NMBR: variants seen among roughly 807,000 people sequenced by gnomAD.
NMBR encodes the protein neuromedin B receptor.
Under a neutral mutation model 20.5 loss-of-function variants are expected in NMBR, and 16 were observed. The observed-to-expected ratio is 0.78, with a 90% CI of 0.53 to 1.19. The LOEUF (loss-of-function observed/expected upper bound fraction) is 1.19. Ranked by LOEUF, NMBR falls within the 50% of genes most tolerant of loss-of-function variation. The pLI is 0.00. For missense variants in NMBR, 582 were observed against 499.1 expected (o/e 1.17, Z -1.58); for synonymous variants, 212 against 196.6 (o/e 1.08, Z -0.65).
chr6:142,096,844 A>T (rs1316427108), intron 1 of NMBR, among the ~76,000 whole-genome samples: 1 of 151,584 alleles, frequency 6.6e-6, no homozygotes, highest in Non-Finnish European at 1.5e-5. Flanking sequence ...TGCTTTATGA[A>T]TCTGGGTGCT....
At position 142,110,446 on chromosome 6, in the gene NMBR, T is replaced by C. The variant is rs949171325; in HGVS notation, c.-663-21125A>G. ...TGTATCTTGAGAGTATTATGCTAAG[T>C]AAAAGAAGCTAATTTTGAAAGATCA... On this transcript the variant is annotated intron_variant, in intron 1 of 3. Transcript: ENST00000258042. Among the ~76,000 whole-genome samples the C allele has an allele frequency of 2.6e-5, 4 of 152,196 alleles. 1 individual carries two copies. Among genetic ancestry groups the C allele is most frequent in the South Asian group, 4.1e-4 (2 of 4,834 alleles).
chr6:142,086,740 G>A (rs573435933), intron 2 of NMBR, among the ~76,000 whole-genome samples: 1 of 152,136 alleles, frequency 6.6e-6, no homozygotes, highest in South Asian at 2.1e-4. Context: ...TCTAGGCCAG[G>A]GCAAATTTAC....
At chr6:142,116,056 GCT>G (rs1777847462) in intron 1 of NMBR, among the ~76,000 whole-genome samples, 1 of 151,750 alleles carries the variant, frequency 6.6e-6, no homozygotes, top group Non-Finnish European at 1.5e-5. Context: ...CCCTGCACAA[GCT>G]CTCTTTTTTT....
rs372987693 is a variant in NMBR at position 142,103,223 on chromosome 6, A to G, written c.-663-13902T>C. Among the ~76,000 whole-genome samples, 4 of 152,216 alleles carry G rather than the reference A, an allele frequency of 2.6e-5. No homozygotes were observed. The South Asian group carries it at 8.3e-4, about 32-fold the overall frequency. ...ATGAAAGGGTTGATTGTCCCCAGTCAGTAGACCATGAAATGCATTCATTAC... is the reference window on the plus strand; with the variant it reads ...ATGAAAGGGTTGATTGTCCCCAGTCGGTAGACCATGAAATGCATTCATTAC... On this transcript the variant is annotated intron_variant, in intron 1 of 3. Coordinates refer to ENST00000258042, the MANE Select transcript of NMBR (RefSeq NM_002511.4).
intron 2 of NMBR, among the ~76,000 whole-genome samples, chr6:142,083,754 T>G (rs1445902900): frequency 1.3e-5 from 2 of 152,040 alleles, no homozygotes; most frequent in Non-Finnish European, 2.9e-5. Context: ...TGTTTCTAAG[T>G]CTCCTGAGGC....
At chr6:142,145,996 C>T (rs1191419780) in intron 1 of NMBR, among the ~76,000 whole-genome samples, 1 of 152,178 alleles carries the variant, frequency 6.6e-6, no homozygotes, top group Non-Finnish European at 1.5e-5. Context: ...CTCTGCTTTT[C>T]TTCATTGATT....
rs565694680 is a variant in NMBR, at chr6:142,130,306, AT to A, written c.-664+16737del. ...GAGAGGTCAGGACTGGCTACATGTG[AT>A]TTTTTTTTTTCTAATTTCTAGTCTC... On this transcript the variant is annotated intron_variant, in intron 1 of 3. Coordinates refer to ENST00000258042, the MANE Select transcript of NMBR (RefSeq NM_002511.4). Among the ~76,000 whole-genome samples, 375 of 148,940 alleles carry A rather than the reference AT, an allele frequency of 2.5e-3. 4 individuals carry two copies. Among genetic ancestry groups the A allele is most frequent in the East Asian group, 8.7e-3 (44 of 5,082 alleles).
intron 1 of NMBR, among the ~76,000 whole-genome samples, chr6:142,124,878 A>G (rs927805307): frequency 5.3e-5 from 8 of 151,866 alleles, no homozygotes; most frequent in Non-Finnish European, 1.2e-4. Flanking sequence ...GAATTGTGAA[A>G]TTACTTACAC....
At chr6:142,129,788 G>T (rs1375320610) in intron 1 of NMBR, among the ~76,000 whole-genome samples, 2 of 152,110 alleles carry the variant, frequency 1.3e-5, no homozygotes, top group Non-Finnish European at 2.9e-5. Context: ...TCTCATTAAG[G>T]ACAGGATAAA....
Position 142,078,535 on chromosome 6 carries a change from C to T in NMBR, c.771+20G>A, listed in dbSNP as rs777315869. The T allele has an allele frequency of 1.4e-6, 2 of 1,416,270 alleles. No homozygotes were observed. Among genetic ancestry groups the T allele is most frequent in the Admixed American group, 3.6e-5 (2 of 55,658 alleles). The allele number at this position is 1,416,270 out of a possible 1,614,324, so 87.7% of individuals were successfully genotyped here. On this transcript the variant is annotated intron_variant, in intron 3 of 3. Coordinates refer to ENST00000258042, the MANE Select transcript of NMBR (RefSeq NM_002511.4). ...ACTTGTTCTGACCACACACCACCAA[C>T]CCACGCCTACTAAGCTTACCTGTTT... is the stretch of plus-strand genomic sequence containing the variant.
intron 1 of NMBR, among the ~76,000 whole-genome samples, chr6:142,090,638 G>A (rs1777305349): frequency 1.3e-5 from 2 of 150,714 alleles, no homozygotes; most frequent in East Asian, 3.9e-4. Context: ...GCAAGAGAAA[G>A]AGGAAAAGAG....
chr6:142,137,076 T>C (rs1304266172), intron 1 of NMBR, among the ~76,000 whole-genome samples: 1 of 151,936 alleles, frequency 6.6e-6, no homozygotes, highest in Non-Finnish European at 1.5e-5. Context: ...AATCTATAAA[T>C]TACCTTGGGC....
chr6:142,121,166 G>A (rs1272083373), intron 1 of NMBR, among the ~76,000 whole-genome samples: 1 of 151,890 alleles, frequency 6.6e-6, no homozygotes, highest in African/African-American at 2.4e-5. Flanking sequence ...ATACAAAATG[G>A]TGACTTTCAT....
intron 1 of NMBR, among the ~76,000 whole-genome samples, chr6:142,092,624 T>A (rs1777350122): frequency 6.6e-6 from 1 of 152,102 alleles, no homozygotes; most frequent in Admixed American, 6.6e-5. Flanking sequence ...CACAAAACAG[T>A]GATCCCTAAG....
chr6:142,092,626 A>G (rs1356431857), intron 1 of NMBR, among the ~76,000 whole-genome samples: 1 of 152,180 alleles, frequency 6.6e-6, no homozygotes, highest in African/African-American at 2.4e-5. Flanking sequence ...CAAAACAGTG[A>G]TCCCTAAGAC....
At chr6:142,089,473 A>G (rs1299700272) in intron 1 of NMBR, among the ~76,000 whole-genome samples, 152 bp from the exon 2 acceptor site, 1 of 152,210 alleles carries the variant, frequency 6.6e-6, no homozygotes, top group Non-Finnish European at 1.5e-5. Context: ...TTAAATTTAT[A>G]TTTTATTGAA....
intron 1 of NMBR, among the ~76,000 whole-genome samples, chr6:142,126,261 C>CTGTGTGTG (rs34172798): frequency 1.3e-5 from 2 of 149,284 alleles, no homozygotes; most frequent in East Asian, 4.0e-4. Context: ...CTCTCTCTCT[C>CTGTGTGTG]TGTGTGTGTG....
chr6:142,127,742 G>A (rs1400831492), intron 1 of NMBR, among the ~76,000 whole-genome samples: 2 of 149,240 alleles, frequency 1.3e-5, no homozygotes, highest in Non-Finnish European at 3.0e-5. Flanking sequence ...TCTTTTTATT[G>A]CTATTGTAAA....
At chr6:142,100,527 T>G (rs1020351895) in intron 1 of NMBR, among the ~76,000 whole-genome samples, 1 of 152,208 alleles carries the variant, frequency 6.6e-6, no homozygotes. Flanking sequence ...GACAGTAAAA[T>G]GTGCTTCCCA....
Sources: gnomAD v4.1 joint callset for allele counts (sites outside exome capture counted in the v4.1 genomes callset) on GRCh38, gnomAD v4.1.1 for gene constraint, MANE v1.5 for transcripts, NCBI Gene and HGNC (gene_info 2026-07-23, HGNC 2026-07-21) for gene names.